The following SLC35F1 variants were observed in gnomAD, a reference collection of about 807,000 sequenced individuals.
The protein encoded by SLC35F1 is chromosome 6 open reading frame 169.
Under a neutral mutation model 48.7 loss-of-function variants are expected in SLC35F1, and 14 were observed. The ratio of observed to expected loss-of-function variants is 0.29; its 90% CI spans 0.19 to 0.45. The LOEUF is 0.45. Ranked by LOEUF, SLC35F1 falls within the 20% of genes least tolerant of loss-of-function variation. The probability of loss-of-function intolerance (pLI) is 1.00; values close to 1 mark genes in which losing one functional copy is unlikely to be tolerated. For missense variants in SLC35F1, 404 were observed against 500.0 expected (o/e 0.81, Z 1.83); for synonymous variants, 190 against 202.2 (o/e 0.94, Z 0.51).
chr6:118,288,362 AT>A (rs1776077256), intron 7 of SLC35F1, among the ~76,000 whole-genome samples: 1 of 152,130 alleles, frequency 6.6e-6, no homozygotes, highest in Admixed American at 6.6e-5. Flanking sequence ...CTTTTTATAC[AT>A]TTTAGGGAGA....
rs61738575 is a variant in SLC35F1, at chr6:118,314,242, G to A, written c.1217G>A (p.Arg406His). ...GQETEEEPHV[R>H]VA Reference sequence around the variant, plus strand: ...GAGACCGAAGAGGAGCCTCATGTTCGTGTGGCCTAGGGTGAGGCCCGCCCT... The same window carrying A: ...GAGACCGAAGAGGAGCCTCATGTTCATGTGGCCTAGGGTGAGGCCCGCCCT... The change falls in exon 8 of 8, where the codon CGT becomes CAT. Residue 406 changes from arginine (R) to histidine (H), a missense_variant. Coordinates refer to ENST00000360388, the MANE Select transcript of SLC35F1 (RefSeq NM_001029858.4). 2.2e-4 allele frequency: 362 copies of A among 1,614,128 alleles called. 1 individual carries two copies. The African/African-American group carries it at 3.9e-3, about 17-fold the overall frequency.
chr6:118,176,876 GT>G (rs113276884), intron 2 of SLC35F1, among the ~76,000 whole-genome samples: 1 of 151,280 alleles, frequency 6.6e-6, no homozygotes, highest in Admixed American at 6.6e-5. Flanking sequence ...ATTTGTGCTT[GT>G]TTTTTTTGTA....
intron 2 of SLC35F1, among the ~76,000 whole-genome samples, chr6:118,188,794 C>T (rs372460027): frequency 6.6e-5 from 10 of 152,278 alleles, no homozygotes; most frequent in African/African-American, 2.4e-4. Context: ...ACAGATATCT[C>T]TTCAACATAC....
chr6:117,963,757 C>T (rs936359525), intron 1 of SLC35F1, among the ~76,000 whole-genome samples: 2 of 152,070 alleles, frequency 1.3e-5, no homozygotes, highest in African/African-American at 4.8e-5. Flanking sequence ...TGGGTATAAA[C>T]ATGATTGTTT....
At chr6:118,043,418 A>G (rs1054812629) in intron 1 of SLC35F1, among the ~76,000 whole-genome samples, 6 of 151,218 alleles carry the variant, frequency 4.0e-5, no homozygotes, top group Non-Finnish European at 7.4e-5. Flanking sequence ...TTTTTCTTAA[A>G]TGGACTTTTT....
At chr6:118,093,114 G>A (rs917323308) in intron 1 of SLC35F1, among the ~76,000 whole-genome samples, 7 of 151,934 alleles carry the variant, frequency 4.6e-5, no homozygotes, top group South Asian at 2.1e-4. Context: ...TCAGTGGTTC[G>A]AAACCAGCCT....
intron 1 of SLC35F1, among the ~76,000 whole-genome samples, chr6:118,091,466 G>C (rs185691698): frequency 1.4e-4 from 21 of 152,300 alleles, no homozygotes; most frequent in African/African-American, 5.1e-4. Context: ...TTTCTTGCCT[G>C]CTGCCATGTA....
intron 7 of SLC35F1, among the ~76,000 whole-genome samples, chr6:118,286,466 T>C (rs915619172): frequency 6.6e-6 from 1 of 152,082 alleles, no homozygotes; most frequent in Admixed American, 6.6e-5. Flanking sequence ...GCAAAAGTCA[T>C]AGCCAAGAAA....
intron 2 of SLC35F1, among the ~76,000 whole-genome samples, chr6:118,178,074 A>G (rs144357554): frequency 7.9e-5 from 12 of 152,238 alleles, no homozygotes; most frequent in Non-Finnish European, 1.6e-4. Context: ...CAGCTCAAGT[A>G]TCTCCCAAAA....
intron 3 of SLC35F1, among the ~76,000 whole-genome samples, chr6:118,256,215 T>G (rs1296653512): frequency 1.9e-5 from 1 of 52,668 alleles, no homozygotes; most frequent in Admixed American, 1.4e-4. Context: ...GGTGTGTGTG[T>G]GTGTGTGTGT....
chr6:118,227,097 T>G (rs904660747), intron 2 of SLC35F1, among the ~76,000 whole-genome samples: 1 of 152,214 alleles, frequency 6.6e-6, no homozygotes, highest in Non-Finnish European at 1.5e-5. Context: ...CATGGTGCAC[T>G]GCCAGCAAGA....
intron 1 of SLC35F1, among the ~76,000 whole-genome samples, chr6:118,003,563 T>G (rs1169810517): frequency 1.3e-5 from 2 of 152,188 alleles, no homozygotes; most frequent in Non-Finnish European, 2.9e-5. Context: ...GAGTGTGCTG[T>G]TCAGATGTTG....
chr6:118,023,253 G>A (rs1370179824), intron 1 of SLC35F1, among the ~76,000 whole-genome samples: 1 of 152,136 alleles, frequency 6.6e-6, no homozygotes, highest in African/African-American at 2.4e-5. Flanking sequence ...ATAATTTGCT[G>A]GACACAAATG....
At chr6:118,285,377 T>C (rs766222995) in intron 7 of SLC35F1, 39 bp downstream of exon 7, 1 of 1,609,358 alleles carries the variant, frequency 6.2e-7, no homozygotes, top group South Asian at 1.1e-5. Flanking sequence ...GATGATACTT[T>C]GTAGGAAACA....
intron 2 of SLC35F1, among the ~76,000 whole-genome samples, chr6:118,192,003 A>G (rs960614785): frequency 1.3e-5 from 2 of 152,172 alleles, no homozygotes; most frequent in African/African-American, 4.8e-5. Context: ...TGAGTCATGG[A>G]ATGCAGAACT....
At position 118,025,256 on chromosome 6, in the gene SLC35F1, T is replaced by A. The variant is rs114040999; in HGVS notation, c.173+117357T>A. 4.8e-3 allele frequency among the ~76,000 whole-genome samples: 728 copies of A among 152,308 alleles called. 6 individuals are homozygous for A. Among genetic ancestry groups the A allele is most frequent in the African/African-American group, 0.016 (645 of 41,556 alleles). ...CTTGTTTTTGATGATCTTGCCAGTT[T>A]TGAGGAGCACAAGTTAGATATTTTG... On this transcript the variant is annotated intron_variant, in intron 1 of 7. Transcript: ENST00000360388.
intron 1 of SLC35F1, among the ~76,000 whole-genome samples, chr6:118,064,124 A>C (rs1271264338): frequency 6.6e-6 from 1 of 152,206 alleles, no homozygotes; most frequent in African/African-American, 2.4e-5. Flanking sequence ...GGATGGTAGC[A>C]GGCAAAAAGA....
rs149578986 is a variant in SLC35F1, at chr6:117,915,670, A to C, written c.173+7771A>C. On this transcript the variant is annotated intron_variant, in intron 1 of 7. Transcript: ENST00000360388. ...GATAACTGAAAGTCTTAGATGCTCT[A>C]ATAAGCAGTTAGACTTATTAAGTTA... is the stretch of plus-strand genomic sequence containing the variant. Among the ~76,000 whole-genome samples, 190 of 152,364 alleles carry C rather than the reference A, an allele frequency of 1.2e-3. 2 individuals are homozygous for C. The highest frequency in any genetic ancestry group is 4.4e-3 in the African/African-American group (183 of 41,594).
chr6:118,235,747 A>AG, intron 3 of SLC35F1, 111 bp downstream of exon 3: 1 of 1,109,106 alleles, frequency 9.0e-7, no homozygotes, highest in Non-Finnish European at 1.2e-6. Flanking sequence ...ATACTATACT[A>AG]TAGTATACAG....
Sources: gnomAD v4.1 joint callset for allele counts (sites outside exome capture counted in the v4.1 genomes callset) on GRCh38, gnomAD v4.1.1 for gene constraint, MANE v1.5 for transcripts, NCBI Gene and HGNC (gene_info 2026-07-23, HGNC 2026-07-21) for gene names.